Variants in ALK observed in about 807,000 individuals in gnomAD.
ALK encodes ALK tyrosine kinase receptor.
A neutral mutation model predicts 163.1 loss-of-function variants in ALK; 74 were observed. That is an observed-to-expected ratio of 0.45 (90% CI 0.38 to 0.55). The LOEUF (loss-of-function observed/expected upper bound fraction) is 0.55. Among genes scored for constraint, ALK ranks in the 20% least tolerant of loss-of-function variants. The probability of loss-of-function intolerance (pLI) is 0.00; values close to 1 mark genes in which losing one functional copy is unlikely to be tolerated. For missense variants in ALK, 2,063 were observed against 2,105.3 expected (o/e 0.98, Z 0.39); for synonymous variants, 960 against 843.2 (o/e 1.14, Z -2.40).
At chr2:29,301,357 C>T (rs1573207601) in intron 8 of ALK, among the ~76,000 whole-genome samples, 1 of 152,138 alleles carries the variant, frequency 6.6e-6, no homozygotes, top group Admixed American at 6.5e-5. Flanking sequence ...CTCTCTCTAC[C>T]CTTGGTCATG....
chr2:29,916,001 A>G (rs777613401), intron 1 of ALK, among the ~76,000 whole-genome samples: 6 of 152,234 alleles, frequency 3.9e-5, no homozygotes, highest in Non-Finnish European at 7.3e-5. Context: ...TCCTCTAAAA[A>G]CACCAATGCC....
chr2:29,490,587 C>T (rs891307722), intron 4 of ALK, among the ~76,000 whole-genome samples: 1 of 152,124 alleles, frequency 6.6e-6, no homozygotes, highest in African/African-American at 2.4e-5. Flanking sequence ...GATTCCAACA[C>T]ATACTCAACT....
chr2:29,781,304 C>A (rs1681324614), intron 1 of ALK, among the ~76,000 whole-genome samples: 1 of 152,178 alleles, frequency 6.6e-6, no homozygotes, highest in African/African-American at 2.4e-5. Flanking sequence ...AAGAACTGTA[C>A]CCCAGCCTTT....
At chr2:29,875,208 C>A (rs1239167926) in intron 1 of ALK, among the ~76,000 whole-genome samples, 2 of 152,178 alleles carry the variant, frequency 1.3e-5, no homozygotes, top group East Asian at 3.9e-4. Flanking sequence ...AATTCTGATA[C>A]ATGCAAATAA....
rs1218953003 is a variant in ALK, at chr2:29,220,025, G to T, written c.3645+681C>A. Among the ~76,000 whole-genome samples, 3 of 152,184 alleles carry T rather than the reference G, an allele frequency of 2.0e-5. 1 individual carries two copies. Among genetic ancestry groups the T allele is most frequent in the Admixed American group, 1.3e-4 (2 of 15,288 alleles). On this transcript the variant is annotated intron_variant, in intron 23 of 28. Coordinates refer to ENST00000389048, the MANE Select transcript of ALK (RefSeq NM_004304.5). ...GAGTAGTTACATGGCTGTCATGAAA[G>T]TTCTCCTCTGTGTTTGTCTCTAGTT...
At chr2:29,836,190 G>C (rs1374694715) in intron 1 of ALK, among the ~76,000 whole-genome samples, 1 of 152,180 alleles carries the variant, frequency 6.6e-6, no homozygotes, top group Non-Finnish European at 1.5e-5. Flanking sequence ...TTCAGGGTCT[G>C]CTTCTGGGGA....
chr2:29,363,899 A>G (rs1375292637), intron 5 of ALK, among the ~76,000 whole-genome samples: 8 of 152,222 alleles, frequency 5.3e-5, no homozygotes, highest in African/African-American at 1.4e-4. Context: ...AAACTGAAGT[A>G]ACATGGGCAT....
intron 4 of ALK, among the ~76,000 whole-genome samples, chr2:29,490,914 G>C (rs1027928251): frequency 2.0e-5 from 3 of 152,022 alleles, no homozygotes. Flanking sequence ...TTCTATTACT[G>C]ACAAAATCAC....
chr2:29,341,845 C>G (rs946448146), intron 5 of ALK, among the ~76,000 whole-genome samples: 32 of 152,172 alleles, frequency 2.1e-4, no homozygotes, highest in African/African-American at 7.2e-4. Flanking sequence ...ATGAAGATCA[C>G]TTGCTATGGC....
At chr2:29,392,913 A>G (rs1023006874) in intron 4 of ALK, among the ~76,000 whole-genome samples, 2 of 152,160 alleles carry the variant, frequency 1.3e-5, no homozygotes. Context: ...TGAATGTTCA[A>G]TGTTACTGAG....
chr2:29,404,032 G>A (rs1467291563), intron 4 of ALK, among the ~76,000 whole-genome samples: 1 of 152,150 alleles, frequency 6.6e-6, no homozygotes, highest in African/African-American at 2.4e-5. Flanking sequence ...GGCCGGGCAT[G>A]TTAGCTCACG....
chr2:29,796,431 T>A (rs1465049692), intron 1 of ALK, among the ~76,000 whole-genome samples: 2 of 152,162 alleles, frequency 1.3e-5, no homozygotes, highest in African/African-American at 4.8e-5. Context: ...ATTTGAGCCA[T>A]CAGACCTGCA....
chr2:29,758,192 A>C (rs1377082052), intron 1 of ALK, among the ~76,000 whole-genome samples: 1 of 151,628 alleles, frequency 6.6e-6, no homozygotes, highest in Non-Finnish European at 1.5e-5. Context: ...TTGTCTTTTT[A>C]GTAGAGACAG....
chr2:29,537,362 A>C (rs878875032), intron 3 of ALK, among the ~76,000 whole-genome samples: 1 of 152,214 alleles, frequency 6.6e-6, no homozygotes, highest in East Asian at 1.9e-4. Context: ...TGCTCCTTAC[A>C]TTCTGGCTGT....
chr2:29,326,180 A>G (rs1264567226), intron 6 of ALK, among the ~76,000 whole-genome samples: 1 of 152,108 alleles, frequency 6.6e-6, no homozygotes, highest in Non-Finnish European at 1.5e-5. Context: ...TCTTGCCCTC[A>G]GTGCCTGAAG....
intron 1 of ALK, among the ~76,000 whole-genome samples, chr2:29,804,797 C>T (rs1664567357): frequency 6.6e-6 from 1 of 152,122 alleles, no homozygotes; most frequent in African/African-American, 2.4e-5. Flanking sequence ...TTGAGTAACC[C>T]TAGTTCTCGG....
At chr2:29,408,779 A>C (rs1669656474) in intron 4 of ALK, among the ~76,000 whole-genome samples, 1 of 152,166 alleles carries the variant, frequency 6.6e-6, no homozygotes, top group Non-Finnish European at 1.5e-5. Context: ...CAGGCTGAGA[A>C]GGGAGGCATT....
intron 8 of ALK, among the ~76,000 whole-genome samples, chr2:29,306,096 G>A (rs575587424): frequency 6.6e-6 from 1 of 152,218 alleles, no homozygotes; most frequent in African/African-American, 2.4e-5. Context: ...CGGTGGCCTG[G>A]GGGTTGGGGA....
chr2:29,497,009 G>A (rs1486548612), intron 4 of ALK, among the ~76,000 whole-genome samples: 2 of 152,178 alleles, frequency 1.3e-5, no homozygotes, highest in African/African-American at 2.4e-5. Flanking sequence ...GGTGGCTCAC[G>A]CCTGTAATCC....
Sources: allele counts gnomAD v4.1 joint callset (sites outside exome capture counted in the v4.1 genomes callset), GRCh38; gene constraint gnomAD v4.1.1; transcripts MANE v1.5; gene names NCBI Gene and HGNC (gene_info 2026-07-23, HGNC 2026-07-21).